The following CTNNA3 variants were observed in gnomAD, a reference collection of about 807,000 sequenced individuals.
CTNNA3 encodes the protein catenin alpha 3.
In CTNNA3, 76 loss-of-function variants were observed where a neutral mutation model predicts 95.7. That is an observed-to-expected ratio of 0.79 (90% CI 0.66 to 0.96). The LOEUF (loss-of-function observed/expected upper bound fraction) is 0.96, where lower values mean the gene tolerates loss of function less well. CTNNA3 is among the 40% of genes least tolerant of loss of function. The pLI is 0.00. For missense variants in CTNNA3, 1,191 were observed against 1,089.8 expected (o/e 1.09, Z -1.31); for synonymous variants, 431 against 374.4 (o/e 1.15, Z -1.74).
At chr10:67,138,885 G>C (rs1007228428) in intron 7 of CTNNA3, among the ~76,000 whole-genome samples, 1 of 152,038 alleles carries the variant, frequency 6.6e-6, no homozygotes, top group African/African-American at 2.4e-5. Flanking sequence ...ATAGGGGTAG[G>C]GACAGTGGAC....
At chr10:66,824,423 T>A (rs961090204) in intron 7 of CTNNA3, among the ~76,000 whole-genome samples, 1 of 152,170 alleles carries the variant, frequency 6.6e-6, no homozygotes, top group Non-Finnish European at 1.5e-5. Context: ...AATTGGTCAT[T>A]CAAATCTCTA....
intron 11 of CTNNA3, among the ~76,000 whole-genome samples, chr10:66,400,373 A>G (rs1196500242): frequency 6.6e-6 from 1 of 152,042 alleles, no homozygotes; most frequent in African/African-American, 2.4e-5. Context: ...CTCTTTGTCA[A>G]GCTCTTTTGC....
intron 1 of CTNNA3, among the ~76,000 whole-genome samples, chr10:67,738,974 C>T (rs946418038): frequency 3.3e-5 from 5 of 152,134 alleles, no homozygotes; most frequent in Non-Finnish European, 7.4e-5. Context: ...GATTGGTGTA[C>T]CTGAAAGTGA....
intron 7 of CTNNA3, chr10:67,015,162 A>G (rs1401324334): frequency 6.6e-6 from 1 of 152,130 alleles, no homozygotes; most frequent in African/African-American, 2.4e-5. Flanking sequence ...ACCTCTTCCA[A>G]TATTACCTTG....
chr10:65,917,141 T>C lies in CTNNA3; in HGVS notation c.*3189A>G, dbSNP rs547596405. 1 of 152,294 alleles carries C rather than the reference T, an allele frequency of 6.6e-6. No individual in the cohort carries two copies. Among genetic ancestry groups the C allele is most frequent in the African/African-American group, 2.4e-5 (1 of 41,574 alleles). 9.4% of individuals were successfully genotyped at this position (152,294 alleles called of 1,614,324 possible). ...GAACAAATATGTTATATTGATCTTA[T>C]GTTAAAAGATTTCAAAGGCCAGAAG... On this transcript the variant is annotated 3_prime_UTR_variant, in exon 18 of 18. Coordinates refer to ENST00000433211, the MANE Select transcript of CTNNA3 (RefSeq NM_013266.4).
chr10:67,614,360 A>G (rs146289598), intron 2 of CTNNA3, among the ~76,000 whole-genome samples: 251 of 152,312 alleles, frequency 1.6e-3, no homozygotes, highest in Admixed American at 2.7e-3. Context: ...TTATATTATT[A>G]TTACATTGTA....
chr10:66,445,672 C>A (rs982785354), intron 11 of CTNNA3, among the ~76,000 whole-genome samples: 2 of 151,914 alleles, frequency 1.3e-5, no homozygotes, highest in Admixed American at 1.3e-4. Context: ...ACGTTCAAAG[C>A]AGTGTGTAGA....
At chr10:67,629,009 T>TA (rs903782545) in intron 2 of CTNNA3, among the ~76,000 whole-genome samples, 223 of 143,610 alleles carry the variant, frequency 1.6e-3, no homozygotes, top group East Asian at 2.2e-3. Flanking sequence ...AGAACTCTAA[T>TA]AAAAAAAAAA....
At chr10:67,687,975 A>G (rs1840766477) in intron 1 of CTNNA3, among the ~76,000 whole-genome samples, 1 of 152,118 alleles carries the variant, frequency 6.6e-6, no homozygotes, top group South Asian at 2.1e-4. Flanking sequence ...CCTTTCTTCG[A>G]CTGTCATTCT....
At chr10:66,319,003 A>G (rs2092146026) in intron 12 of CTNNA3, among the ~76,000 whole-genome samples, 1 of 152,038 alleles carries the variant, frequency 6.6e-6, no homozygotes, top group South Asian at 2.1e-4. Flanking sequence ...CCTGAGAGAA[A>G]GAAAGGAGCT....
At chr10:66,488,042 T>C (rs1839800044) in intron 11 of CTNNA3, among the ~76,000 whole-genome samples, 1 of 152,164 alleles carries the variant, frequency 6.6e-6, no homozygotes. Flanking sequence ...CCCATAGCTC[T>C]GACACAAAAT....
At chr10:65,995,417 T>C (rs1371936042) in intron 15 of CTNNA3, among the ~76,000 whole-genome samples, 1 of 152,196 alleles carries the variant, frequency 6.6e-6, no homozygotes, top group Admixed American at 6.5e-5. Context: ...TGTCTATAAA[T>C]AGCCTCAGTG....
Position 66,334,510 on chromosome 10 carries a change from G to A in CTNNA3, c.1732+44642C>T, listed in dbSNP as rs186166765. Among the ~76,000 whole-genome samples the A allele has an allele frequency of 4.3e-3, 647 of 150,924 alleles. 4 individuals carry two copies. Among genetic ancestry groups the A allele is most frequent in the South Asian group, 0.014 (68 of 4,766 alleles). ...CTTATGAAGCTTAGTTTGGCTGGAT[G>A]TGAAATTCTGGGTTGAAAATTCTTT... On this transcript the variant is annotated intron_variant, in intron 12 of 17. Coordinates refer to ENST00000433211, the MANE Select transcript of CTNNA3 (RefSeq NM_013266.4).
intron 15 of CTNNA3, among the ~76,000 whole-genome samples, chr10:66,042,957 A>ATTG (rs1328584735): frequency 6.8e-6 from 1 of 146,990 alleles, no homozygotes; most frequent in African/African-American, 2.5e-5. Flanking sequence ...GAATAAGTGG[A>ATTG]TTGGAGAACA....
At chr10:67,483,962 A>G (rs1848349010) in intron 5 of CTNNA3, among the ~76,000 whole-genome samples, 3 of 152,154 alleles carry the variant, frequency 2.0e-5, no homozygotes. Context: ...TTTTCACAGG[A>G]TTAGAAAAAG....
At chr10:66,630,395 C>A (rs773776093) in intron 9 of CTNNA3, among the ~76,000 whole-genome samples, 3 of 152,108 alleles carry the variant, frequency 2.0e-5, no homozygotes, top group Non-Finnish European at 2.9e-5. Flanking sequence ...TGGCCATCAT[C>A]CTTAACAAGG....
At chr10:67,519,304 A>G (rs575095137) in intron 5 of CTNNA3, among the ~76,000 whole-genome samples, 1 of 152,182 alleles carries the variant, frequency 6.6e-6, no homozygotes, top group Non-Finnish European at 1.5e-5. Context: ...GATGACTCCA[A>G]TAAAATAATT....
chr10:67,336,549 T>G (rs1331072689), intron 5 of CTNNA3, among the ~76,000 whole-genome samples: 6 of 152,234 alleles, frequency 3.9e-5, no homozygotes, highest in Non-Finnish European at 5.9e-5. Flanking sequence ...TGAAAGTGGC[T>G]ACACTAAACA....
At chr10:66,351,426 T>C (rs965747371) in intron 12 of CTNNA3, among the ~76,000 whole-genome samples, 4 of 152,078 alleles carry the variant, frequency 2.6e-5, no homozygotes, top group African/African-American at 9.7e-5. Flanking sequence ...ATCTGATTCC[T>C]GAGTACCATT....
Sources: gnomAD v4.1 joint callset for allele counts (sites outside exome capture counted in the v4.1 genomes callset) on GRCh38, gnomAD v4.1.1 for gene constraint, MANE v1.5 for transcripts, NCBI Gene and HGNC (gene_info 2026-07-23, HGNC 2026-07-21) for gene names.